FMNL2: variants seen among roughly 807,000 people sequenced by gnomAD.
FMNL2 encodes formin like 2.
FMNL2 carries 51 observed loss-of-function variants against 130.2 expected under a neutral mutation model. The ratio of observed to expected loss-of-function variants is 0.39; its 90% CI spans 0.31 to 0.49. FMNL2 has a LOEUF of 0.49. Among genes scored for constraint, FMNL2 ranks in the 20% least tolerant of loss-of-function variants. FMNL2 has a pLI of 0.85. For synonymous variants in FMNL2, 465 were observed against 467.1 expected (o/e 1.00, Z 0.06); for missense variants, 977 against 1,316.2 (o/e 0.74, Z 3.99).
intron 1 of FMNL2, among the ~76,000 whole-genome samples, chr2:152,394,537 T>C (rs1685288540): frequency 6.6e-6 from 1 of 152,068 alleles, no homozygotes; most frequent in Admixed American, 6.6e-5. Flanking sequence ...CCATATGAGC[T>C]GGCATTCACA....
chr2:152,381,400 G>A (rs1684451136), intron 1 of FMNL2, among the ~76,000 whole-genome samples: 2 of 152,186 alleles, frequency 1.3e-5, no homozygotes, highest in Non-Finnish European at 2.9e-5. Context: ...TCTTCCAGAA[G>A]GGAAAGCCAG....
At chr2:152,599,117 G>T (rs192988210) in intron 9 of FMNL2, among the ~76,000 whole-genome samples, 1 of 152,276 alleles carries the variant, frequency 6.6e-6, no homozygotes, top group African/African-American at 2.4e-5. Flanking sequence ...GATTGGAGAC[G>T]CCCAGCCACA....
intron 1 of FMNL2, among the ~76,000 whole-genome samples, chr2:152,507,145 A>G (rs1220595509): frequency 2.6e-5 from 4 of 152,216 alleles, no homozygotes; most frequent in Non-Finnish European, 2.9e-5. Flanking sequence ...AAATAATCCC[A>G]TAGCTTCCAT....
intron 1 of FMNL2, among the ~76,000 whole-genome samples, chr2:152,384,496 T>A (rs893453777): frequency 6.6e-6 from 1 of 152,148 alleles, no homozygotes; most frequent in Non-Finnish European, 1.5e-5. Context: ...TATGGTCCAT[T>A]TGATGGCTGA....
chr2:152,391,926 T>C (rs75355153), intron 1 of FMNL2, among the ~76,000 whole-genome samples: 2 of 134,644 alleles, frequency 1.5e-5, no homozygotes, highest in African/African-American at 5.5e-5. Context: ...TTTTTTTTTT[T>C]CAAACCCATA....
chr2:152,625,433 T>C lies in FMNL2; in HGVS notation c.1838-5T>C. On this transcript the variant is annotated splice_region_variant and splice_polypyrimidine_tract_variant and intron_variant, in intron 15 of 25. Coordinates refer to ENST00000288670, the MANE Select transcript of FMNL2 (RefSeq NM_052905.4). ...TCTTAATTCCATTCTCTTTGATGTC[T>C]TTAGCTGTGAAAATTAAGAAGCCAA... The C allele has an allele frequency of 6.2e-7, 1 of 1,603,892 alleles. No homozygotes were observed. The highest frequency in any genetic ancestry group is 8.5e-7 in the Non-Finnish European group (1 of 1,171,874).
intron 1 of FMNL2, among the ~76,000 whole-genome samples, chr2:152,376,099 GGCC>G (rs1684155577): frequency 6.6e-6 from 1 of 151,860 alleles, no homozygotes; most frequent in African/African-American, 2.4e-5. Context: ...TCACCATGTT[GGCC>G]AGGCTGGCCT....
intron 1 of FMNL2, among the ~76,000 whole-genome samples, chr2:152,513,232 A>G (rs1424471216): frequency 3.3e-5 from 5 of 152,202 alleles, no homozygotes; most frequent in Non-Finnish European, 5.9e-5. Flanking sequence ...ACCTAGAGAC[A>G]TGATCACGAG....
intron 9 of FMNL2, among the ~76,000 whole-genome samples, chr2:152,593,965 A>G (rs1697618673): frequency 6.6e-6 from 1 of 151,202 alleles, no homozygotes. Context: ...CTAAGTAACT[A>G]AGGAGGAAAA....
At chr2:152,455,255 G>T (rs956191652) in intron 1 of FMNL2, among the ~76,000 whole-genome samples, 2 of 152,168 alleles carry the variant, frequency 1.3e-5, no homozygotes, top group Non-Finnish European at 2.9e-5. Flanking sequence ...TGGGAACAGG[G>T]TAGGGGCTGG....
chr2:152,381,578 T>G (rs982004400), intron 1 of FMNL2, among the ~76,000 whole-genome samples: 1 of 152,202 alleles, frequency 6.6e-6, no homozygotes, highest in Non-Finnish European at 1.5e-5. Flanking sequence ...TGTGGGGTCA[T>G]GAGAGTCACA....
At chr2:152,448,217 A>AC (rs201391358) in intron 1 of FMNL2, among the ~76,000 whole-genome samples, 1 of 150,752 alleles carries the variant, frequency 6.6e-6, no homozygotes, top group Non-Finnish European at 1.5e-5. Flanking sequence ...AAAAAAAAAA[A>AC]CACATAATAA....
At chr2:152,453,642 T>A (rs538977319) in intron 1 of FMNL2, among the ~76,000 whole-genome samples, 26 of 152,316 alleles carry the variant, frequency 1.7e-4, no homozygotes, top group African/African-American at 5.8e-4. Flanking sequence ...GGTTGAAGTT[T>A]AGCTGAATGA....
At chr2:152,367,059 T>TTG (rs34033628) in intron 1 of FMNL2, among the ~76,000 whole-genome samples, 82,372 of 142,210 alleles carry the variant, frequency 0.58, 27,381 homozygotes, top group Admixed American at 0.75. Flanking sequence ...TACCCTGTTA[T>TTG]TGTGTGTGTG....
rs758020776 is a variant in FMNL2 at position 152,549,018 on chromosome 2, T to C, written c.283-3T>C. On this transcript the variant is annotated splice_polypyrimidine_tract_variant and splice_region_variant and intron_variant, in intron 3 of 25. Coordinates refer to ENST00000288670, the MANE Select transcript of FMNL2 (RefSeq NM_052905.4). ...TGTGAGAATATGTGTTCTTGAATTA[T>C]AGAAATTCAGACGGCGTGTTCAAGA... 1.9e-6 allele frequency: 3 copies of C among 1,601,544 alleles called. No individual in the cohort carries two copies. Among genetic ancestry groups the C allele is most frequent in the South Asian group, 1.1e-5 (1 of 87,520 alleles).
At chr2:152,600,313 G>T (rs902873325) in intron 9 of FMNL2, among the ~76,000 whole-genome samples, 11 of 152,196 alleles carry the variant, frequency 7.2e-5, no homozygotes, top group African/African-American at 2.7e-4. Flanking sequence ...AACAAGGCAA[G>T]AAGGAAACAC....
chr2:152,378,406 T>C (rs998646604), intron 1 of FMNL2, among the ~76,000 whole-genome samples: 1 of 152,244 alleles, frequency 6.6e-6, no homozygotes, highest in African/African-American at 2.4e-5. Context: ...CTGGAAGAAC[T>C]ATATCTTTAG....
intron 4 of FMNL2, among the ~76,000 whole-genome samples, chr2:152,551,366 G>A (rs1013045841): frequency 1.3e-5 from 2 of 152,198 alleles, no homozygotes; most frequent in Non-Finnish European, 2.9e-5. Context: ...CTTACCAGGT[G>A]AAGTTTTCCC....
At chr2:152,646,128 T>C (rs982014376) in intron 25 of FMNL2, among the ~76,000 whole-genome samples, 3 of 144,084 alleles carry the variant, frequency 2.1e-5, no homozygotes, top group Non-Finnish European at 4.5e-5. Context: ...AAGATCACCC[T>C]GGGCAATGAA....
Sources: allele counts gnomAD v4.1 joint callset (sites outside exome capture counted in the v4.1 genomes callset), GRCh38; gene constraint gnomAD v4.1.1; transcripts MANE v1.5; gene names NCBI Gene and HGNC (gene_info 2026-07-23, HGNC 2026-07-21).